The following TRPV1 variants were observed in gnomAD, a reference collection of about 807,000 sequenced individuals.
TRPV1 encodes the protein OTRPC1.
A neutral mutation model predicts 82.3 loss-of-function variants in TRPV1; 82 were observed. The observed-to-expected ratio is 1.00, with a 90% CI of 0.83 to 1.20. The LOEUF (loss-of-function observed/expected upper bound fraction) is 1.20. Among genes scored for constraint, TRPV1 ranks in the 50% most tolerant of loss-of-function variants. The probability of loss-of-function intolerance (pLI) is 0.00; values close to 1 mark genes in which losing one functional copy is unlikely to be tolerated. For synonymous variants in TRPV1, 515 were observed against 467.7 expected (o/e 1.10, Z -1.30); for missense variants, 1,067 against 1,096.8 (o/e 0.97, Z 0.38).
At chr17:3,594,956 G>C in intron 2 of TRPV1, among the ~76,000 whole-genome samples, 1 of 152,150 alleles carries the variant, frequency 6.6e-6, no homozygotes, top group East Asian at 1.9e-4. Context: ...CAGGAGGCCG[G>C]GTTAGAACCA....
At chr17:3,571,259 AGGTGCCTG>A (rs1186278071) in intron 16 of TRPV1, among the ~76,000 whole-genome samples, 1 of 152,194 alleles carries the variant, frequency 6.6e-6, no homozygotes, top group Admixed American at 6.5e-5. Context: ...CGCTGAGGAC[AGGTGCCTG>A]GGCTGGAGGT....
In TRPV1 at chr17:3,581,609, G is replaced by A. The variant is rs148659129; in HGVS notation, c.1477-1082C>T. On this transcript the variant is annotated intron_variant, in intron 10 of 16. Coordinates refer to ENST00000572705, the MANE Select transcript of TRPV1 (RefSeq NM_080704.4). ...GGGATAAAAATCACAATAGAAGGCT[G>A]GGCACAGTGGCTCACGCCTGTAATC... Among the ~76,000 whole-genome samples, 382 of 152,316 alleles carry A rather than the reference G, an allele frequency of 2.5e-3. 4 individuals are homozygous for A. Among genetic ancestry groups the A allele is most frequent in the East Asian group, 0.025 (127 of 5,182 alleles).
chr17:3,577,092 C>A (rs756322247), intron 13 of TRPV1, 34 bp downstream of exon 13: 1 of 1,561,512 alleles, frequency 6.4e-7, no homozygotes, highest in East Asian at 2.4e-5. Flanking sequence ...AAGCAGGACC[C>A]CTGCCCTCCC....
rs566132270 is a variant in TRPV1 at position 3,607,234 on chromosome 17, C to T, written c.-34+1193G>A. Among the ~76,000 whole-genome samples, 19 of 152,072 alleles carry T rather than the reference C, an allele frequency of 1.2e-4. No homozygotes were observed. In the South Asian group the frequency reaches 3.7e-3, roughly 30 times the overall value. On this transcript the variant is annotated intron_variant, in intron 2 of 16. Coordinates refer to ENST00000572705, the MANE Select transcript of TRPV1 (RefSeq NM_080704.4). The stretch of plus-strand genomic sequence containing the variant: ...TAGCACATGCCTGTAATCTCAGCTA[C>T]TCGGGAGGCTGAGGTACAAGAATTG...
Position 3,590,014 on chromosome 17 carries a change from G to A in TRPV1, c.837C>T (p.Ser279=), listed in dbSNP as rs774975295. ...CCGTGTTGCCCACCGAGTCCCTGGC[G>A]CTGATGTCGGCCGTCTGCCAGGAGT... ...LQNSWQTADI[S]ARDSVGNTVL... Residue 279 remains serine, a synonymous_variant, in exon 7 of 17, where the codon AGC becomes AGT. Transcript: ENST00000572705. 8 of 1,565,200 alleles carry A rather than the reference G, an allele frequency of 5.1e-6. No homozygotes were observed. The highest frequency in any genetic ancestry group is 2.4e-5 in the East Asian group (1 of 41,674).
intron 13 of TRPV1, among the ~76,000 whole-genome samples, chr17:3,576,449 G>A (rs549605517): frequency 1.3e-4 from 20 of 151,602 alleles, no homozygotes; most frequent in Non-Finnish European, 2.4e-4. Flanking sequence ...TCAGGAGATC[G>A]AGACCATCCT....
At chr17:3,589,743 A>C in intron 7 of TRPV1, 64 bp downstream of exon 7, 1 of 1,533,934 alleles carries the variant, frequency 6.5e-7, no homozygotes, top group South Asian at 1.3e-5. Context: ...GCAGTGAGTC[A>C]GGCAGTCCTC....
At chr17:3,579,265 G>A (rs754994447) in intron 11 of TRPV1, among the ~76,000 whole-genome samples, 1 of 152,230 alleles carries the variant, frequency 6.6e-6, no homozygotes, top group East Asian at 1.9e-4. Flanking sequence ...AAAAAAATTG[G>A]GTTAAAGGAT....
intron 11 of TRPV1, among the ~76,000 whole-genome samples, chr17:3,579,861 C>G (rs532108466): frequency 6.6e-6 from 1 of 152,166 alleles, no homozygotes; most frequent in Non-Finnish European, 1.5e-5. Flanking sequence ...CCGGCACCAC[C>G]CCCCAAAACA....
In TRPV1 at chr17:3,566,896, A is replaced by C. The variant is rs1237836631; in HGVS notation, c.2439T>G (p.Val813=). Residue 813 remains valine, a synonymous_variant, in exon 17 of 17, where the codon GTT becomes GTG. Transcript: ENST00000572705. ...GAGACCCTGAAAACTGTCGCAGATA[A>C]ACTTCCTCGGGCTGAGCAGACTGCC... The part of the protein sequence containing the change: ...RDRQSAQPEE[V]YLRQFSGSLK... 1.2e-6 allele frequency: 2 copies of C among 1,613,966 alleles called. No homozygotes were observed. The highest frequency in any genetic ancestry group is 8.5e-7 in the Non-Finnish European group (1 of 1,179,878).
chr17:3,576,668 A>AAAAAAAAAAAAAAAAAAAATATATAT, intron 13 of TRPV1, among the ~76,000 whole-genome samples: 2 of 38,424 alleles, frequency 5.2e-5, no homozygotes, highest in Non-Finnish European at 1.1e-4. Flanking sequence ...AAAAAAAAAA[A>AAAAAAAAAAAAAAAAAAAATATATAT]ATATATATAT....
At chr17:3,593,081 CGTGTGTGTGT>C (rs57419633) in intron 2 of TRPV1, among the ~76,000 whole-genome samples, 2,507 of 112,648 alleles carry the variant, frequency 0.022, 33 homozygotes, top group East Asian at 0.03. Flanking sequence ...AATGTTTAGG[CGTGTGTGTGT>C]GTGTGTGTGT....
intron 2 of TRPV1, among the ~76,000 whole-genome samples, chr17:3,600,062 G>A (rs186982809): frequency 7.2e-5 from 11 of 152,282 alleles, no homozygotes; most frequent in African/African-American, 2.2e-4. Flanking sequence ...GAACATAGGC[G>A]TGCAAATATC....
intron 10 of TRPV1, 79 bp downstream of exon 10, chr17:3,583,259 G>GTT (rs1462627318): frequency 1.6e-6 from 2 of 1,245,854 alleles, no homozygotes; most frequent in Non-Finnish European, 2.3e-6. Context: ...GAATTAAAAA[G>GTT]TGAGTGAGCG....
chr17:3,576,668 A>AAAAAAATATATATAT, intron 13 of TRPV1, among the ~76,000 whole-genome samples: 4 of 38,416 alleles, frequency 1.0e-4, no homozygotes, highest in Non-Finnish European at 1.6e-4. Context: ...AAAAAAAAAA[A>AAAAAAATATATATAT]ATATATATAT....
chr17:3,587,359 G>A (rs2150844116), intron 8 of TRPV1, among the ~76,000 whole-genome samples: 1 of 152,298 alleles, frequency 6.6e-6, no homozygotes, highest in South Asian at 2.1e-4. Context: ...ACAGACTCTA[G>A]CCCCCAAGTC....
intron 9 of TRPV1, among the ~76,000 whole-genome samples, chr17:3,583,712 A>G (rs901022073): frequency 1.3e-5 from 2 of 152,176 alleles, no homozygotes; most frequent in African/African-American, 4.8e-5. Flanking sequence ...CCTGGCTGGG[A>G]GCAGAGTGAT....
intron 16 of TRPV1, among the ~76,000 whole-genome samples, chr17:3,570,778 A>C (rs1031866648): frequency 1.3e-5 from 2 of 151,974 alleles, no homozygotes; most frequent in African/African-American, 4.8e-5. Context: ...TAGTGGTGCG[A>C]TCTCGGCTCA....
chr17:3,586,492 C>T (rs777663572), intron 8 of TRPV1, among the ~76,000 whole-genome samples: 3 of 152,198 alleles, frequency 2.0e-5, no homozygotes, highest in Non-Finnish European at 4.4e-5. Context: ...TTCAAATAGG[C>T]CGGGTGTAGT....
Sources: gnomAD v4.1 joint callset for allele counts (sites outside exome capture counted in the v4.1 genomes callset) on GRCh38, gnomAD v4.1.1 for gene constraint, MANE v1.5 for transcripts, NCBI Gene and HGNC (gene_info 2026-07-23, HGNC 2026-07-21) for gene names.